Variants in SH3BGR observed in about 807,000 individuals in gnomAD.
SH3BGR encodes the protein SH3 domain-binding glutamic acid-rich protein.
A neutral mutation model predicts 24.5 loss-of-function variants in SH3BGR; 29 were observed. That is an observed-to-expected ratio of 1.18 (90% CI 0.88 to 1.61). The LOEUF (loss-of-function observed/expected upper bound fraction) is 1.61. SH3BGR is among the 40% of genes most tolerant of loss of function. SH3BGR has a pLI of 0.00. For synonymous variants in SH3BGR, 55 were observed against 65.7 expected (o/e 0.84, Z 0.79); for missense variants, 162 against 205.8 (o/e 0.79, Z 1.30).
At chr21:39,479,760 C>T (rs2078101597) in intron 3 of SH3BGR, among the ~76,000 whole-genome samples, 1 of 152,148 alleles carries the variant, frequency 6.6e-6, no homozygotes. Flanking sequence ...TCTACTTCTT[C>T]TTTCTCTCAC....
chr21:39,465,403 T>C (rs2077824397), intron 2 of SH3BGR, among the ~76,000 whole-genome samples: 1 of 152,232 alleles, frequency 6.6e-6, no homozygotes, highest in Non-Finnish European at 1.5e-5. Flanking sequence ...CTGGCTCTTT[T>C]GAATTCTGTA....
At chr21:39,454,298 C>A (rs1007698481) in intron 1 of SH3BGR, among the ~76,000 whole-genome samples, 1 of 152,166 alleles carries the variant, frequency 6.6e-6, no homozygotes, top group African/African-American at 2.4e-5. Flanking sequence ...AAAATGGATT[C>A]TTGCCTGATA....
chr21:39,487,441 C>T (rs1313447586), intron 3 of SH3BGR, among the ~76,000 whole-genome samples: 2 of 152,218 alleles, frequency 1.3e-5, no homozygotes, highest in Non-Finnish European at 2.9e-5. Context: ...GCCATCATGC[C>T]TAGCTGTCAT....
intron 3 of SH3BGR, among the ~76,000 whole-genome samples, chr21:39,489,752 G>A (rs548201152): frequency 1.3e-5 from 2 of 152,174 alleles, no homozygotes; most frequent in Non-Finnish European, 2.9e-5. Flanking sequence ...AGTATGCCAG[G>A]GCTACATTTG....
intron 3 of SH3BGR, among the ~76,000 whole-genome samples, chr21:39,494,152 A>T (rs1342120349): frequency 6.6e-6 from 1 of 152,024 alleles, no homozygotes; most frequent in Non-Finnish European, 1.5e-5. Context: ...CCCATCCTTT[A>T]TGCTATACGA....
chr21:39,473,002 A>AT lies in SH3BGR; in HGVS notation c.232-2122dup, dbSNP rs1009038960. On this transcript the variant is annotated intron_variant, in intron 2 of 6. Coordinates refer to ENST00000333634, the MANE Select transcript of SH3BGR (RefSeq NM_007341.3). ...TATGCCAGGTCAGCAGTGTATTTAA[A>AT]TTTTTTTTTTTCTTAATTGGGTTAA... is the stretch of plus-strand genomic sequence containing the variant. Among the ~76,000 whole-genome samples, 247 of 148,916 alleles carry AT rather than the reference A, an allele frequency of 1.7e-3. 2 individuals carry two copies. The highest frequency in any genetic ancestry group is 4.6e-3 in the African/African-American group (186 of 40,638).
chr21:39,479,244 G>GTGGTGC (rs2078083624), intron 3 of SH3BGR, among the ~76,000 whole-genome samples: 5 of 134,178 alleles, frequency 3.7e-5, no homozygotes, highest in African/African-American at 1.7e-4. Context: ...GGTGGTGGTG[G>GTGGTGC]TGGTGGTGGT....
rs2078464158 is a variant in SH3BGR, at chr21:39,499,870, G to C, written c.360G>C (p.Glu120Asp). Residue 120 changes from glutamate to aspartate, a missense_variant, in exon 4 of 7, where the codon GAG becomes GAC. Transcript: ENST00000333634. ...EEGGETEAQKEGSEDVGNLPE... is the reference protein window; with the variant it reads ...EEGGETEAQKDGSEDVGNLPE... ...GTGGAGAAACTGAGGCACAAAAAGA[G>C]GGCAGTGAAGATGTGGGCAACCTCC... 6.2e-7 allele frequency: 1 copy of C among 1,613,934 alleles called. No homozygotes were observed. The highest frequency in any genetic ancestry group is 8.5e-7 in the Non-Finnish European group (1 of 1,179,932).
At chr21:39,491,531 A>T in intron 3 of SH3BGR, 1 of 266,196 alleles carries the variant, frequency 3.8e-6, no homozygotes, top group Admixed American at 4.0e-5. Flanking sequence ...CAGTCTTCTA[A>T]GGCCTCAGCT....
chr21:39,487,328 A>G (rs2078227921), intron 3 of SH3BGR, among the ~76,000 whole-genome samples: 1 of 152,116 alleles, frequency 6.6e-6, no homozygotes, highest in African/African-American at 2.4e-5. Flanking sequence ...TTTTTTGTAA[A>G]GACAGAATTT....
chr21:39,504,294 A>C (rs1341123630), intron 4 of SH3BGR, among the ~76,000 whole-genome samples: 5 of 152,176 alleles, frequency 3.3e-5, no homozygotes, highest in Non-Finnish European at 5.9e-5. Context: ...CATGGGTCTC[A>C]GCCTGGGTCC....
intron 3 of SH3BGR, among the ~76,000 whole-genome samples, chr21:39,485,184 G>A (rs1348776024): frequency 6.6e-6 from 1 of 152,182 alleles, no homozygotes; most frequent in Non-Finnish European, 1.5e-5. Context: ...ATTCTTAATA[G>A]GACATGGCAG....
chr21:39,511,649 T>A lies in SH3BGR; in HGVS notation c.436-31T>A. The stretch of plus-strand genomic sequence containing the variant: ...ACTGTATCCTTGGCCCTTATGCTTC[T>A]TAATACTAATGTAAGTTTTGTTAAA... On this transcript the variant is annotated intron_variant, in intron 5 of 6. Transcript: ENST00000333634. This position sits in a 1 kb window ranked among gnomAD's most constrained non-coding sequence, Gnocchi z 4.2. 13 of 1,605,030 alleles carry A rather than the reference T, an allele frequency of 8.1e-6. No homozygotes were observed. Among genetic ancestry groups the A allele is most frequent in the Non-Finnish European group, 1.1e-5 (13 of 1,177,372 alleles).
Position 39,451,990 on chromosome 21 carries a change from C to T in SH3BGR, c.-107C>T. The T allele has an allele frequency of 4.3e-6, 7 of 1,614,142 alleles. No homozygotes were observed. The highest frequency in any genetic ancestry group is 5.9e-6 in the Non-Finnish European group (7 of 1,179,986). ...AGCCCAGTGGACCCCTGGGCTGCTG[C>T]CAGCCCCGACCTGGCACTTGCTTGC... On this transcript the variant is annotated 5_prime_UTR_variant, in exon 1 of 7. Transcript: ENST00000333634.
chr21:39,501,639 A>C (rs142383333), intron 4 of SH3BGR, among the ~76,000 whole-genome samples: 19 of 152,350 alleles, frequency 1.2e-4, no homozygotes, highest in African/African-American at 4.6e-4. Flanking sequence ...TCCTGTTTGA[A>C]AACCAACACA....
At chr21:39,448,767 A>G (rs549120507), upstream of SH3BGR, among the ~76,000 whole-genome samples, 2 of 152,348 alleles carry the variant, frequency 1.3e-5, no homozygotes, top group South Asian at 2.1e-4. Context: ...ATTAACTGCT[A>G]TTAAGTAAGC....
intron 3 of SH3BGR, among the ~76,000 whole-genome samples, chr21:39,479,344 TGTG>T (rs945414151): frequency 9.0e-4 from 124 of 137,726 alleles, no homozygotes; most frequent in African/African-American, 3.6e-3. Flanking sequence ...AGGTGGTGAT[TGTG>T]GTGGTGATGG....
intron 3 of SH3BGR, among the ~76,000 whole-genome samples, chr21:39,499,083 C>G (rs538558316): frequency 6.6e-6 from 1 of 152,280 alleles, no homozygotes; most frequent in Non-Finnish European, 1.5e-5. Flanking sequence ...AGAACTCACT[C>G]ACCATCATGA....
chr21:39,465,856 G>C (rs1160147166), intron 2 of SH3BGR, among the ~76,000 whole-genome samples: 1 of 152,168 alleles, frequency 6.6e-6, no homozygotes, highest in Admixed American at 6.5e-5. Flanking sequence ...CTCCCGTAGT[G>C]TTGGGATTAT....
Sources: gnomAD v4.1 joint callset for allele counts (sites outside exome capture counted in the v4.1 genomes callset) on GRCh38, gnomAD v4.1.1 for gene constraint, Gnocchi (gnomAD v3.1) non-coding constraint, MANE v1.5 for transcripts, NCBI Gene and HGNC (gene_info 2026-07-23, HGNC 2026-07-21) for gene names.